Variants in IKBKB observed in about 807,000 individuals in gnomAD.
IKBKB encodes the protein inhibitor of nuclear factor kappa-B kinase subunit beta.
In IKBKB, 42 loss-of-function variants were observed where a neutral mutation model predicts 113.6. The observed-to-expected ratio is 0.37, with a 90% CI of 0.29 to 0.48. IKBKB has a LOEUF of 0.48. Ranked by LOEUF, IKBKB falls within the 20% of genes least tolerant of loss-of-function variation. The pLI, the probability that IKBKB is intolerant of heterozygous loss-of-function variation, is 0.99. For synonymous variants in IKBKB, 296 were observed against 361.3 expected (o/e 0.82, Z 2.05); for missense variants, 673 against 939.7 (o/e 0.72, Z 3.71).
intron 3 of IKBKB, 112 bp from the exon 4 acceptor site, chr8:42,290,044 G>A: frequency 1.3e-6 from 1 of 759,112 alleles, no homozygotes; most frequent in Non-Finnish European, 2.2e-6. Flanking sequence ...GTCTTCCTCT[G>A]TTTCAAAGCC....
intron 8 of IKBKB, among the ~76,000 whole-genome samples, chr8:42,312,333 A>C (rs1334591563): frequency 2.0e-5 from 3 of 152,256 alleles, no homozygotes; most frequent in African/African-American, 7.2e-5. Context: ...CAGCGTCTTC[A>C]TAGGAAATCT....
chr8:42,318,248 G>A (rs567139551), intron 12 of IKBKB, among the ~76,000 whole-genome samples: 1 of 150,906 alleles, frequency 6.6e-6, no homozygotes, highest in Non-Finnish European at 1.5e-5. Flanking sequence ...GGTGACAAGA[G>A]CGAGACCTTG....
chr8:42,305,864 G>A (rs959107002), intron 6 of IKBKB, among the ~76,000 whole-genome samples: 5 of 152,252 alleles, frequency 3.3e-5, no homozygotes, highest in African/African-American at 7.2e-5. Context: ...TACAGTGAAT[G>A]AGTTCTTAGA....
intron 12 of IKBKB, among the ~76,000 whole-genome samples, chr8:42,317,972 A>C (rs550603634): frequency 6.6e-6 from 1 of 151,988 alleles, no homozygotes; most frequent in Non-Finnish European, 1.5e-5. Flanking sequence ...GTTAATTTCA[A>C]CCTCCTAGGA....
intron 4 of IKBKB, among the ~76,000 whole-genome samples, chr8:42,291,579 C>T (rs1194297705): frequency 2.0e-5 from 3 of 152,218 alleles, no homozygotes; most frequent in Admixed American, 1.3e-4. Context: ...GGAGCCCAGG[C>T]GTTTATTCCT....
intron 11 of IKBKB, chr8:42,317,315 G>A: frequency 4.7e-6 from 2 of 425,108 alleles, no homozygotes; most frequent in Non-Finnish European, 4.3e-6. Flanking sequence ...AACTATAGCT[G>A]TGTAAGACAT....
At chr8:42,275,761 T>A (rs1357307717) in intron 2 of IKBKB, among the ~76,000 whole-genome samples, 2 of 152,244 alleles carry the variant, frequency 1.3e-5, no homozygotes, top group African/African-American at 4.8e-5. Flanking sequence ...GGTGCCCATA[T>A]CTCTTTGATA....
At position 42,331,330 on chromosome 8, in the gene IKBKB, C is replaced by G. The variant is rs1821663945; in HGVS notation, c.*351C>G. The stretch of plus-strand genomic sequence containing the variant: ...GGGGTACAGCCATGGCAGCTCCTTC[C>G]TCTGCCGTGAGAAAAGTGCTTGGAG... On this transcript the variant is annotated 3_prime_UTR_variant, in exon 22 of 22. Transcript: ENST00000520810. The G allele has an allele frequency of 1.4e-6, 1 of 702,820 alleles. No homozygotes were observed. The highest frequency in any genetic ancestry group is 2.6e-6 in the Non-Finnish European group (1 of 385,026). 43.5% of individuals were successfully genotyped at this position (702,820 alleles called of 1,614,324 possible).
At chr8:42,290,858 G>C (rs1313806932) in intron 4 of IKBKB, among the ~76,000 whole-genome samples, 1 of 152,202 alleles carries the variant, frequency 6.6e-6, no homozygotes, top group African/African-American at 2.4e-5. Context: ...CTCTTCCCTA[G>C]AATGTTCACT....
At chr8:42,320,965 C>T in intron 16 of IKBKB, 121 bp downstream of exon 16, 1 of 556,152 alleles carries the variant, frequency 1.8e-6, no homozygotes, top group Admixed American at 3.5e-5. Context: ...GCATGCTTCC[C>T]TGTGGGGTCA....
chr8:42,286,095 A>G (rs1470467902), intron 2 of IKBKB, among the ~76,000 whole-genome samples: 2 of 152,242 alleles, frequency 1.3e-5, no homozygotes, highest in Non-Finnish European at 2.9e-5. Flanking sequence ...GCTGTTAAAA[A>G]AAAGTAGGCA....
intron 2 of IKBKB, among the ~76,000 whole-genome samples, chr8:42,280,750 C>T (rs112779466): frequency 5.3e-5 from 8 of 152,194 alleles, no homozygotes; most frequent in African/African-American, 1.4e-4. Flanking sequence ...GCGGGATGCT[C>T]GTTGGGGTGG....
chr8:42,293,670 G>T, intron 5 of IKBKB, 158 bp downstream of exon 5: 1 of 1,264,328 alleles, frequency 7.9e-7, no homozygotes, highest in Non-Finnish European at 1.1e-6. Context: ...GAGTAGGGAG[G>T]TCAACAAGGA....
Position 42,332,375 on chromosome 8 carries a change from C to T in IKBKB, c.*1396C>T, listed in dbSNP as rs201324109. 1.3e-5 allele frequency: 2 copies of T among 152,236 alleles called. No homozygotes were observed. Among genetic ancestry groups the T allele is most frequent in the Non-Finnish European group, 2.9e-5 (2 of 68,044 alleles). The allele number at this position is 152,236 out of a possible 1,614,324, so 9.4% of individuals were successfully genotyped here. A position where few individuals can be genotyped will look rare whatever the true frequency, so the allele number is the denominator to read the frequency against. ...TGTCATTTGGCTATAGAAACATTTTCTCCTGCTGATTGTGTGTGTGAAACA... is the reference window on the plus strand; with the variant it reads ...TGTCATTTGGCTATAGAAACATTTTTTCCTGCTGATTGTGTGTGTGAAACA... On this transcript the variant is annotated 3_prime_UTR_variant, in exon 22 of 22. Transcript: ENST00000520810.
rs562528528 is a variant in IKBKB at position 42,304,387 on chromosome 8, C to T, written c.389-800C>T. Among the ~76,000 whole-genome samples the T allele has an allele frequency of 1.8e-4, 27 of 152,350 alleles. No homozygotes were observed. In the South Asian group the frequency reaches 5.4e-3, roughly 30 times the overall value. On this transcript the variant is annotated intron_variant, in intron 5 of 21. Transcript: ENST00000520810. ...CATGTCCTTCTTGCCATCTGAGCTGCAGGCGGGTGCCTCCTCATGTGACAT... is the reference window on the plus strand; with the variant it reads ...CATGTCCTTCTTGCCATCTGAGCTGTAGGCGGGTGCCTCCTCATGTGACAT...
Position 42,331,466 on chromosome 8 carries a change from T to C in IKBKB, c.*487T>C. 1.4e-6 allele frequency: 1 copy of C among 697,464 alleles called. No individual in the cohort carries two copies. The allele number at this position is 697,464 out of a possible 1,614,324, so 43.2% of individuals were successfully genotyped here. On this transcript the variant is annotated 3_prime_UTR_variant, in exon 22 of 22. Transcript: ENST00000520810. ...CTCTCCTGCTCTCCAAAGGCCCTGCTCCCTGTCCTCTCTCACTTTACAGCT... is the reference window on the plus strand; with the variant it reads ...CTCTCCTGCTCTCCAAAGGCCCTGCCCCCTGTCCTCTCTCACTTTACAGCT...
Position 42,321,935 on chromosome 8 carries a change from A to C in IKBKB, c.1728A>C (p.Glu576Asp). 1 of 1,613,434 alleles carries C rather than the reference A, an allele frequency of 6.2e-7. No homozygotes were observed. The highest frequency in any genetic ancestry group is 8.5e-7 in the Non-Finnish European group (1 of 1,179,588). ...GGGAGCTGTACAGGAGACTAAGGGA[A>C]AAACCTCGAGGTAAGTGGGGTTCTG... is the stretch of plus-strand genomic sequence containing the variant. ...QARELYRRLREKPRDQRTEGD... is the reference protein window; with the variant it reads ...QARELYRRLRDKPRDQRTEGD... Residue 576 changes from glutamate (E) to aspartate (D), a missense_variant, in exon 17 of 22, where the codon GAA (glutamate) becomes GAC (aspartate). Glu to Asp is a conservative substitution (Grantham distance 45, BLOSUM62 2). Around this residue, in one of 2 missense-constraint regions of IKBKB, gnomAD observed 506 missense variants for 638.7 expected, o/e 0.79. Transcript: ENST00000520810.
At chr8:42,310,848 C>T (rs1817571787) in intron 8 of IKBKB, among the ~76,000 whole-genome samples, 1 of 152,250 alleles carries the variant, frequency 6.6e-6, no homozygotes, top group Admixed American at 6.5e-5. Context: ...ATCAAAAATG[C>T]TGTATGTTTT....
At chr8:42,317,983 C>T (rs188329947) in intron 12 of IKBKB, among the ~76,000 whole-genome samples, 284 of 152,120 alleles carry the variant, frequency 1.9e-3, no homozygotes, top group Non-Finnish European at 3.4e-3. Context: ...CCTCCTAGGA[C>T]GGGCGTGGTG....
Sources: gnomAD v4.1 joint callset for allele counts (sites outside exome capture counted in the v4.1 genomes callset) on GRCh38, gnomAD v4.1.1 for gene constraint, gnomAD v4.1.1 regional missense constraint, MANE v1.5 for transcripts, NCBI Gene and HGNC (gene_info 2026-07-23, HGNC 2026-07-21) for gene names.